Variants in TBL1XR1 observed in about 807,000 individuals in gnomAD.
TBL1XR1 encodes the protein F-box-like/WD repeat-containing protein TBL1XR1.
TBL1XR1 carries 5 observed loss-of-function variants against 66.9 expected under a neutral mutation model. The observed-to-expected ratio is 0.07, with a 90% CI of 0.04 to 0.16. The LOEUF (loss-of-function observed/expected upper bound fraction) is 0.16, where lower values mean the gene tolerates loss of function less well. Among genes scored for constraint, TBL1XR1 ranks in the 10% least tolerant of loss-of-function variants. TBL1XR1 has a pLI of 1.00. For missense variants in TBL1XR1, 238 were observed against 623.2 expected (o/e 0.38, Z 6.58); for synonymous variants, 210 against 206.0 (o/e 1.02, Z -0.17).
chr3:177,190,781 T>C (rs928948244), intron 1 of TBL1XR1, among the ~76,000 whole-genome samples: 1 of 152,234 alleles, frequency 6.6e-6, no homozygotes, highest in Non-Finnish European at 1.5e-5. Context: ...AACAGGGCTG[T>C]CACTGCTCCC....
At chr3:177,088,037 T>C (rs78049988) in intron 2 of TBL1XR1, among the ~76,000 whole-genome samples, 1 of 152,328 alleles carries the variant, frequency 6.6e-6, no homozygotes, top group East Asian at 1.9e-4. Context: ...CACTACTCTG[T>C]GTTTCTCGAG....
intron 1 of TBL1XR1, chr3:177,160,890 G>C (rs566481151): frequency 6.6e-6 from 1 of 151,854 alleles, no homozygotes; most frequent in Non-Finnish European, 1.5e-5. Flanking sequence ...CAGCTCCTTG[G>C]GAGGCTGAGA....
At chr3:177,106,447 G>C (rs1724899930) in intron 1 of TBL1XR1, among the ~76,000 whole-genome samples, 2 of 152,156 alleles carry the variant, frequency 1.3e-5, no homozygotes, top group Non-Finnish European at 2.9e-5. Flanking sequence ...AGCTTCTGCA[G>C]TACCTTTGTG....
chr3:177,131,151 T>C (rs1728245782), intron 1 of TBL1XR1, among the ~76,000 whole-genome samples: 1 of 152,176 alleles, frequency 6.6e-6, no homozygotes, highest in South Asian at 2.1e-4. Context: ...TTTCAGAGAA[T>C]ATATTGAGAA....
chr3:177,030,687 TTC>T (rs1301726288), intron 14 of TBL1XR1, among the ~76,000 whole-genome samples: 3 of 152,222 alleles, frequency 2.0e-5, no homozygotes, highest in African/African-American at 2.4e-5. Flanking sequence ...TTATATTATT[TTC>T]TGTTTGAAAT....
chr3:177,048,237 T>A (rs1168733985), intron 7 of TBL1XR1, among the ~76,000 whole-genome samples: 1 of 152,204 alleles, frequency 6.6e-6, no homozygotes, highest in East Asian at 1.9e-4. Flanking sequence ...TTATATTCCC[T>A]TGCTGTGCAC....
chr3:177,068,083 A>C (rs1339882506), intron 2 of TBL1XR1, among the ~76,000 whole-genome samples: 1 of 152,226 alleles, frequency 6.6e-6, no homozygotes, highest in Admixed American at 6.5e-5. Context: ...CCTGATGAAG[A>C]GTATATCATG....
intron 1 of TBL1XR1, among the ~76,000 whole-genome samples, chr3:177,133,368 T>C (rs1728531453): frequency 6.6e-6 from 1 of 152,214 alleles, no homozygotes; most frequent in African/African-American, 2.4e-5. Flanking sequence ...TACCACCCCC[T>C]GACAATATGG....
chr3:177,050,166 T>G, intron 6 of TBL1XR1, 28 bp from the exon 7 acceptor site: 1 of 1,608,246 alleles, frequency 6.2e-7, no homozygotes, highest in Non-Finnish European at 8.5e-7. Context: ...ATATTTTAGA[T>G]CCTCATGACA....
At chr3:177,159,626 A>G (rs1731930819) in intron 1 of TBL1XR1, among the ~76,000 whole-genome samples, 2 of 152,194 alleles carry the variant, frequency 1.3e-5, no homozygotes. Context: ...CACTAAAGAT[A>G]TGTCAGTGTG....
chr3:177,143,300 C>G (rs1484055820), intron 1 of TBL1XR1, among the ~76,000 whole-genome samples: 1 of 151,278 alleles, frequency 6.6e-6, no homozygotes, highest in African/African-American at 2.4e-5. Flanking sequence ...GAGCGATGCT[C>G]AGTATTTGCT....
intron 6 of TBL1XR1, 81 bp from the exon 7 acceptor site, chr3:177,050,219 T>G (rs907547565): frequency 6.7e-7 from 1 of 1,488,336 alleles, no homozygotes; most frequent in African/African-American, 1.4e-5. Context: ...CATCTGAATA[T>G]TAATAAGGCA....
chr3:177,047,631 C>T, intron 7 of TBL1XR1, 82 bp from the exon 8 acceptor site: 4 of 1,453,234 alleles, frequency 2.8e-6, no homozygotes, highest in Non-Finnish European at 3.8e-6. Context: ...GTTTAAATCC[C>T]AGGTACAGAA....
chr3:177,052,999 G>C (rs116053367), intron 4 of TBL1XR1, among the ~76,000 whole-genome samples: 3,252 of 152,282 alleles, frequency 0.021, 55 homozygotes, highest in Non-Finnish European at 0.033. Context: ...CTGCTAAGGA[G>C]GCAGAGGCAG....
chr3:177,048,036 G>A (rs542416057), intron 7 of TBL1XR1: 5 of 152,808 alleles, frequency 3.3e-5, no homozygotes, highest in East Asian at 3.9e-4. Flanking sequence ...TCATTGTTTC[G>A]AATGATCAGA....
At chr3:177,082,738 T>TTTTATATATACA (rs1450061640) in intron 2 of TBL1XR1, among the ~76,000 whole-genome samples, 1 of 63,234 alleles carries the variant, frequency 1.6e-5, no homozygotes, top group African/African-American at 6.4e-5. Context: ...AAGATAGAGA[T>TTTTATATATACA]TATATATATA....
chr3:177,100,006 C>A (rs1238027703), intron 1 of TBL1XR1, among the ~76,000 whole-genome samples: 10 of 152,164 alleles, frequency 6.6e-5, no homozygotes, highest in Admixed American at 6.5e-4. Flanking sequence ...CTTCGGGAAG[C>A]CGAGGCGGGC....
chr3:177,108,576 C>G (rs1233819536), intron 1 of TBL1XR1, among the ~76,000 whole-genome samples: 2 of 152,034 alleles, frequency 1.3e-5, no homozygotes, highest in Admixed American at 1.3e-4. Flanking sequence ...TATTGAATGC[C>G]TAAAGGCATT....
At chr3:177,097,282 A>T (rs75514047) in intron 2 of TBL1XR1, among the ~76,000 whole-genome samples, 1,972 of 152,328 alleles carry the variant, frequency 0.013, 38 homozygotes, top group African/African-American at 0.045. Context: ...TAAATGTAAG[A>T]TGTTATTATT....
Sources: gnomAD v4.1 joint callset for allele counts (sites outside exome capture counted in the v4.1 genomes callset) on GRCh38, gnomAD v4.1.1 for gene constraint, MANE v1.5 for transcripts, NCBI Gene and HGNC (gene_info 2026-07-23, HGNC 2026-07-21) for gene names.